Variants in HCK observed in about 807,000 individuals in gnomAD.
HCK encodes the protein HCK proto-oncogene, Src family tyrosine kinase.
In HCK, 40 loss-of-function variants were observed where a neutral mutation model predicts 70.4. The ratio of observed to expected loss-of-function variants is 0.57; its 90% CI spans 0.44 to 0.74. The LOEUF is 0.74. Among genes scored for constraint, HCK ranks in the 30% least tolerant of loss-of-function variants. The pLI is 0.00. For missense variants in HCK, 568 were observed against 697.2 expected, an observed-to-expected ratio of 0.81 and a Z score of 2.09; for synonymous variants, 245 against 263.2, an observed-to-expected ratio of 0.93 and a Z score of 0.67.
intron 8 of HCK, among the ~76,000 whole-genome samples, chr20:32,084,954 G>A (rs2045762790): frequency 6.6e-6 from 1 of 152,240 alleles, no homozygotes; most frequent in Admixed American, 6.5e-5. Context: ...TGTGTGCCCA[G>A]CACTGTTAGG....
In HCK at chr20:32,099,118, G is replaced by A. The variant is rs750602420; in HGVS notation, c.1361G>A (p.Gly454Asp). ...CTGCTGATGGAGATCGTCACCTACG[G>A]CCGGATCCCTTACCCAGGTAGGGAA... Residue 454 changes from glycine (G) to aspartate (D), a missense_variant, in exon 12 of 13, where the codon GGC (glycine) becomes GAC (aspartate). Physicochemically the swap from Gly to Asp is moderately conservative, Grantham distance 94 (BLOSUM62 -1). Around this residue, in one of 4 missense-constraint regions of HCK, gnomAD observed 160 missense variants for 237.5 expected, o/e 0.67. Transcript: ENST00000375852. The A allele has an allele frequency of 1.2e-6, 2 of 1,614,108 alleles. No homozygotes were observed. Among genetic ancestry groups the A allele is most frequent in the Non-Finnish European group, 1.7e-6 (2 of 1,179,996 alleles).
intron 11 of HCK, among the ~76,000 whole-genome samples, chr20:32,098,157 C>T (rs1032094602): frequency 1.7e-4 from 26 of 152,008 alleles, no homozygotes; most frequent in African/African-American, 6.3e-4. Flanking sequence ...AAGTGATTCT[C>T]CTGTCTCAGC....
At chr20:32,078,879 A>AGG (rs377179319) in intron 5 of HCK, among the ~76,000 whole-genome samples, 1 of 134,958 alleles carries the variant, frequency 7.4e-6, no homozygotes, top group Non-Finnish European at 1.5e-5. Context: ...AAAAAAAAAA[A>AGG]GGGGGGGAAT....
At chr20:32,097,799 C>T (rs1377634822) in intron 11 of HCK, among the ~76,000 whole-genome samples, 1 of 152,006 alleles carries the variant, frequency 6.6e-6, no homozygotes, top group Admixed American at 6.6e-5. Context: ...AGTCATAAAG[C>T]AGGTCTCAAC....
At chr20:32,063,674 G>T (rs2045412964) in intron 1 of HCK, among the ~76,000 whole-genome samples, 1 of 151,958 alleles carries the variant, frequency 6.6e-6, no homozygotes, top group African/African-American at 2.4e-5. Context: ...CCAAAACCTG[G>T]TATCAGGGAG....
chr20:32,092,614 C>T (rs1351450601), intron 10 of HCK, among the ~76,000 whole-genome samples: 1 of 152,070 alleles, frequency 6.6e-6, no homozygotes, highest in Non-Finnish European at 1.5e-5. Flanking sequence ...AATATCTCCC[C>T]AACACGCTCA....
chr20:32,060,657 G>A (rs1180323861), intron 1 of HCK, among the ~76,000 whole-genome samples: 1 of 152,184 alleles, frequency 6.6e-6, no homozygotes, highest in Non-Finnish European at 1.5e-5. Flanking sequence ...AAATCAACAG[G>A]TAATACATTA....
chr20:32,084,147 T>C, intron 7 of HCK, 104 bp downstream of exon 7: 3 of 1,266,378 alleles, frequency 2.4e-6, no homozygotes, highest in African/African-American at 1.5e-5. Flanking sequence ...TTCTTGGCCA[T>C]CCCCTAGACA....
intron 10 of HCK, among the ~76,000 whole-genome samples, chr20:32,092,072 A>G (rs1191714544): frequency 6.6e-6 from 1 of 152,090 alleles, no homozygotes; most frequent in Non-Finnish European, 1.5e-5. Flanking sequence ...ACCCCTTGCA[A>G]GTGCGCCACC....
intron 10 of HCK, among the ~76,000 whole-genome samples, chr20:32,089,398 G>T (rs935806165): frequency 6.6e-6 from 1 of 152,210 alleles, no homozygotes; most frequent in African/African-American, 2.4e-5. Context: ...TGGTTAAGTG[G>T]CTTGCACAAG....
rs1480472671 is a variant in HCK, at chr20:32,052,435, G to C, written c.11G>C (p.Arg4Pro). ...TCAGGGGCTGCCGAGCTGGGGGGGC[G>C]CTCAAGCTGCGAGGATCCGGGCTGC... The change falls in exon 1 of 13, where the codon CGC (arginine) becomes CCC (proline). Residue 4 changes from arginine (R) to proline (P), a missense_variant. By Grantham distance (103) the Arg-to-Pro change is moderately radical (BLOSUM62 -2). This residue lies in a region of HCK where 318 missense variants were observed against 336.0 expected (regional missense o/e 0.95). Coordinates refer to ENST00000375852, the MANE Select transcript of HCK (RefSeq NM_002110.5). 1 of 1,281,834 alleles carries C rather than the reference G, an allele frequency of 7.8e-7. No homozygotes were observed. The highest frequency in any genetic ancestry group is 9.9e-7 in the Non-Finnish European group (1 of 1,005,092). The allele number at this position is 1,281,834 out of a possible 1,614,324, so 79.4% of individuals were successfully genotyped here.
Position 32,083,973 on chromosome 20 carries a change from C to T in HCK, c.612C>T (p.Asp204=), listed in dbSNP as rs757421259. The T allele has an allele frequency of 2.5e-6, 4 of 1,614,194 alleles. No individual in the cohort carries two copies. Among genetic ancestry groups the T allele is most frequent in the South Asian group, 1.1e-5 (1 of 91,074 alleles). The change falls in exon 7 of 13, where the codon GAC becomes GAT. Residue 204 remains aspartate, a synonymous_variant. Transcript: ENST00000375852. Reference sequence around the variant, plus strand: ...AACATTACAAGATCCGGACCCTGGACAACGGGGGCTTCTACATATCCCCCC... The same window carrying T: ...AACATTACAAGATCCGGACCCTGGATAACGGGGGCTTCTACATATCCCCCC...
chr20:32,071,347 T>C (rs1316699712), intron 1 of HCK, among the ~76,000 whole-genome samples: 3 of 152,208 alleles, frequency 2.0e-5, no homozygotes, highest in Non-Finnish European at 4.4e-5. Flanking sequence ...GCTCTACCTG[T>C]TACATTTCTG....
intron 11 of HCK, among the ~76,000 whole-genome samples, chr20:32,094,811 AAGAAAGAAAGAAAG>A (rs2045929024): frequency 8.2e-6 from 1 of 121,934 alleles, no homozygotes; most frequent in Non-Finnish European, 1.8e-5. Context: ...GAAAGAAAGA[AAGAAAGAAAGAAAG>A]AAAGAAAGAA....
In HCK at chr20:32,074,637, G is replaced by A; in HGVS notation, c.344G>A (p.Trp115Ter). The A allele has an allele frequency of 6.2e-7, 1 of 1,613,216 alleles. No homozygotes were observed. Among genetic ancestry groups the A allele is most frequent in the Non-Finnish European group, 8.5e-7 (1 of 1,179,212 alleles). Residue 115 changes from tryptophan (W) to a stop codon, truncating the protein, a stop_gained, in exon 5 of 13, where the codon TGG becomes TAG. Transcript: ENST00000375852. LOFTEE classifies it high-confidence loss of function. ...ATGTCCCTCAGATCCGGGGAGTGGT[G>A]GAAGGCTCGATCCCTGGCCACCCGG...
chr20:32,078,867 AAAAAAAAAAAAAG>A (rs1229280817), intron 5 of HCK, among the ~76,000 whole-genome samples: 2 of 150,938 alleles, frequency 1.3e-5, no homozygotes, highest in Admixed American at 6.6e-5. Context: ...AAAAAAAAAA[AAAAAAAAAAAAAG>A]GGGGGGAATG....
At position 32,088,561 on chromosome 20, in the gene HCK, C is replaced by A. The variant is rs201979534; in HGVS notation, c.1016-7C>A. 4.4e-6 allele frequency: 7 copies of A among 1,609,030 alleles called. No individual in the cohort carries two copies. The African/African-American group carries it at 5.3e-5, about 12-fold the overall frequency. On this transcript the variant is annotated splice_region_variant and splice_polypyrimidine_tract_variant and intron_variant, in intron 9 of 12. Transcript: ENST00000375852. The stretch of plus-strand genomic sequence containing the variant: ...TAGTAAATGTTCCTCCCCTCTCCCC[C>A]ATATAGGAAGCTTGCTGGACTTTCT...
At chr20:32,056,988 A>ATC (rs2045282212) in intron 1 of HCK, among the ~76,000 whole-genome samples, 1 of 152,180 alleles carries the variant, frequency 6.6e-6, no homozygotes, top group African/African-American at 2.4e-5. Context: ...CCCTCCCCGA[A>ATC]CACCCCTCCA....
chr20:32,065,371 C>T (rs1432415788), intron 1 of HCK, among the ~76,000 whole-genome samples: 1 of 152,144 alleles, frequency 6.6e-6, no homozygotes, highest in Admixed American at 6.6e-5. Flanking sequence ...TGGCAGAAAC[C>T]CAACTCAAAT....
Sources: allele counts gnomAD v4.1 joint callset (sites outside exome capture counted in the v4.1 genomes callset), GRCh38; gene constraint gnomAD v4.1.1; regional missense constraint gnomAD v4.1.1; transcripts MANE v1.5; gene names NCBI Gene and HGNC (gene_info 2026-07-23, HGNC 2026-07-21).